SCUBE1: variants seen among roughly 807,000 people sequenced by gnomAD.
The protein encoded by SCUBE1 is signal peptide, CUB and EGF-like domain-containing protein 1.
Under a neutral mutation model 124.4 loss-of-function variants are expected in SCUBE1, and 59 were observed. That is an observed-to-expected ratio of 0.47 (90% confidence interval 0.38 to 0.59). The LOEUF is 0.59. Ranked by LOEUF, SCUBE1 falls within the 20% of genes least tolerant of loss-of-function variation. SCUBE1 has a pLI of 0.00. For missense variants in SCUBE1, 1,150 were observed against 1,371.2 expected (o/e 0.84, Z 2.55); for synonymous variants, 545 against 550.9 (o/e 0.99, Z 0.15).
At chr22:43,252,154 C>G (rs1923475892) in intron 6 of SCUBE1, among the ~76,000 whole-genome samples, 1 of 152,244 alleles carries the variant, frequency 6.6e-6, no homozygotes, top group South Asian at 2.1e-4. Flanking sequence ...ACTGGGGTGA[C>G]TATCACAAAA....
At chr22:43,320,515 G>A (rs1401308799) in intron 2 of SCUBE1, among the ~76,000 whole-genome samples, 1 of 152,190 alleles carries the variant, frequency 6.6e-6, no homozygotes, top group Non-Finnish European at 1.5e-5. Context: ...ATGGCCAGTA[G>A]CCTTGATAAA....
At chr22:43,318,816 G>A (rs892513076) in intron 3 of SCUBE1, among the ~76,000 whole-genome samples, 9 of 152,042 alleles carry the variant, frequency 5.9e-5, no homozygotes, top group Non-Finnish European at 1.0e-4. Flanking sequence ...TGCAACCTCC[G>A]TCTCCTGGGT....
intron 3 of SCUBE1, 75 bp from the exon 4 acceptor site, chr22:43,291,255 A>G: frequency 6.6e-7 from 1 of 1,508,774 alleles, no homozygotes; most frequent in Non-Finnish European, 9.1e-7. Context: ...CTGGCGGGAC[A>G]GGGATGCAGT....
At chr22:43,220,133 G>A (rs560950221) in intron 14 of SCUBE1, among the ~76,000 whole-genome samples, 7 of 152,338 alleles carry the variant, frequency 4.6e-5, no homozygotes, top group East Asian at 1.9e-4. Flanking sequence ...TTCTAGGGGG[G>A]CTGCACCTAT....
In SCUBE1 at chr22:43,266,651, C is replaced by G. The variant is rs73886544; in HGVS notation, c.485-3806G>C. On this transcript the variant is annotated intron_variant, in intron 4 of 21. Transcript: ENST00000360835. ...GGCCACTGGGCTCCCAGCCTAAGTT[C>G]TCCTACCTTGGGGTCACTCGGCTAC... 8.4e-3 allele frequency among the ~76,000 whole-genome samples: 1,272 copies of G among 152,312 alleles called. 23 individuals are homozygous for G. Among genetic ancestry groups the G allele is most frequent in the African/African-American group, 0.03 (1,233 of 41,558 alleles).
At chr22:43,290,908 G>T in intron 4 of SCUBE1, 138 bp downstream of exon 4, 1 of 920,214 alleles carries the variant, frequency 1.1e-6, no homozygotes, top group Non-Finnish European at 1.6e-6. Flanking sequence ...TACCAGACGT[G>T]CAAAACAGTC....
rs774194646 is a variant in SCUBE1, at chr22:43,210,001, C to T, written c.2581+42G>A. 86 of 1,544,380 alleles carry T rather than the reference C, an allele frequency of 5.6e-5. No individual in the cohort carries two copies. Among genetic ancestry groups the T allele is most frequent in the East Asian group, 4.1e-4 (17 of 41,760 alleles). ...AACCGCAGCGAGACGGGGGTGCACA[C>T]GCAGCTGAGGCTGCCTCTGGTCCCC... On this transcript the variant is annotated intron_variant, in intron 19 of 21. Coordinates refer to ENST00000360835, the MANE Select transcript of SCUBE1 (RefSeq NM_173050.5). The surrounding 1 kb of genome is among the most constrained non-coding windows in gnomAD (Gnocchi z 4.5).
chr22:43,338,933 C>T (rs1293813574), intron 2 of SCUBE1, among the ~76,000 whole-genome samples, 171 bp downstream of exon 2: 5 of 152,218 alleles, frequency 3.3e-5, no homozygotes, highest in African/African-American at 4.8e-5. Flanking sequence ...CCGGCATTTC[C>T]GAAAAGTTCA....
Position 43,221,156 on chromosome 22 carries a change from C to T in SCUBE1, c.1549+17G>A, listed in dbSNP as rs759419931. On this transcript the variant is annotated intron_variant, in intron 13 of 21. Coordinates refer to ENST00000360835, the MANE Select transcript of SCUBE1 (RefSeq NM_173050.5). ...CAGCCCCGTTGGTGTGGGTTAGGAG[C>T]AGGGCGTCCCACTCACCCAGCAGCG... 2.5e-6 allele frequency: 4 copies of T among 1,592,498 alleles called. No individual in the cohort carries two copies. Among genetic ancestry groups the T allele is most frequent in the Non-Finnish European group, 3.4e-6 (4 of 1,167,498 alleles).
intron 4 of SCUBE1, among the ~76,000 whole-genome samples, chr22:43,278,609 G>A (rs530952825): frequency 4.3e-4 from 65 of 152,278 alleles, no homozygotes; most frequent in South Asian, 3.9e-3. Context: ...ATCAATATGT[G>A]GCTGAGGTGG....
chr22:43,242,451 G>A (rs984078627), intron 6 of SCUBE1, among the ~76,000 whole-genome samples: 1 of 152,232 alleles, frequency 6.6e-6, no homozygotes, highest in Admixed American at 6.5e-5. Flanking sequence ...ACGGGGCCCC[G>A]AGGCTGCGGC....
chr22:43,280,444 CCT>C (rs1203693091), intron 4 of SCUBE1, among the ~76,000 whole-genome samples: 3 of 109,240 alleles, frequency 2.7e-5, no homozygotes, highest in South Asian at 3.3e-4. Flanking sequence ...CACCCATCCC[CCT>C]GTCCCTTCCC....
At chr22:43,330,485 T>C (rs1422217004) in intron 2 of SCUBE1, among the ~76,000 whole-genome samples, 11 of 152,222 alleles carry the variant, frequency 7.2e-5, no homozygotes, top group African/African-American at 2.4e-4. Context: ...CATCCTGTTA[T>C]GATCACATCT....
At position 43,198,686 on chromosome 22, in the gene SCUBE1, C is replaced by A. The variant is rs757033542; in HGVS notation, c.*5311G>T. The A allele has an allele frequency of 3.9e-5, 18 of 456,614 alleles. No individual in the cohort carries two copies. The highest frequency in any genetic ancestry group is 1.4e-4 in the East Asian group (2 of 14,412). The allele number at this position is 456,614 out of a possible 1,614,324, so 28.3% of individuals were successfully genotyped here. On this transcript the variant is annotated 3_prime_UTR_variant, in exon 22 of 22. Coordinates refer to ENST00000360835, the MANE Select transcript of SCUBE1 (RefSeq NM_173050.5). ...GGTGCAGTTTGCCAGGGTGACCAGA[C>A]TTCCTGAGCATGGACCAGGGGAGGT...
At chr22:43,304,803 G>A (rs970519866) in intron 3 of SCUBE1, among the ~76,000 whole-genome samples, 8 of 151,810 alleles carry the variant, frequency 5.3e-5, no homozygotes, top group South Asian at 2.1e-4. Context: ...TCCACCCCCC[G>A]CAGGGGACCC....
intron 2 of SCUBE1, among the ~76,000 whole-genome samples, chr22:43,332,449 G>C (rs1926932854): frequency 6.6e-6 from 1 of 152,184 alleles, no homozygotes; most frequent in African/African-American, 2.4e-5. Context: ...AGTCCGTGTA[G>C]AAGCAGAGGG....
At chr22:43,208,705 A>G (rs1290927950) in intron 19 of SCUBE1, among the ~76,000 whole-genome samples, 1 of 152,200 alleles carries the variant, frequency 6.6e-6, no homozygotes, top group Non-Finnish European at 1.5e-5. Context: ...CCCCGAGAGC[A>G]AATACACCAG....
At chr22:43,222,192 C>T (rs1922118589) in intron 12 of SCUBE1, among the ~76,000 whole-genome samples, 1 of 152,228 alleles carries the variant, frequency 6.6e-6, no homozygotes, top group Non-Finnish European at 1.5e-5. Context: ...CTAAGGCTGG[C>T]TGTGCCATGC....
chr22:43,307,333 G>A (rs1926007543), intron 3 of SCUBE1, among the ~76,000 whole-genome samples: 1 of 152,250 alleles, frequency 6.6e-6, no homozygotes, highest in Admixed American at 6.5e-5. Context: ...TCAGGAGGCT[G>A]GGGAAGGGCG....
Sources: gnomAD v4.1 joint callset for allele counts (sites outside exome capture counted in the v4.1 genomes callset) on GRCh38, gnomAD v4.1.1 for gene constraint, Gnocchi (gnomAD v3.1) non-coding constraint, MANE v1.5 for transcripts, NCBI Gene and HGNC (gene_info 2026-07-23, HGNC 2026-07-21) for gene names.